Variants in SPSB1 observed in about 807,000 individuals in gnomAD.
SPSB1 encodes splA/ryanodine receptor domain and SOCS box containing 1.
Under a neutral mutation model 21.2 loss-of-function variants are expected in SPSB1, and 8 were observed. The ratio of observed to expected loss-of-function variants is 0.38; its 90% CI spans 0.22 to 0.68. SPSB1 has a LOEUF of 0.68. Among genes scored for constraint, SPSB1 ranks in the 30% least tolerant of loss-of-function variants. SPSB1 has a pLI of 0.53. For synonymous variants in SPSB1, 169 were observed against 161.7 expected (o/e 1.05, Z -0.34); for missense variants, 242 against 377.8 (o/e 0.64, Z 2.98).
At chr1:9,307,115 A>G (rs1639428783) in intron 1 of SPSB1, among the ~76,000 whole-genome samples, 1 of 151,620 alleles carries the variant, frequency 6.6e-6, no homozygotes, top group Non-Finnish European at 1.5e-5. Flanking sequence ...TTTAGTAGAG[A>G]TGGGGTTTCA....
chr1:9,327,534 C>G (rs1447158235), intron 1 of SPSB1, among the ~76,000 whole-genome samples: 1 of 151,706 alleles, frequency 6.6e-6, no homozygotes, highest in Non-Finnish European at 1.5e-5. Context: ...GGGTTGGGCA[C>G]GAGCTGGGCA....
intron 1 of SPSB1, among the ~76,000 whole-genome samples, chr1:9,322,378 C>T (rs1450267637): frequency 6.6e-6 from 1 of 152,176 alleles, no homozygotes; most frequent in African/African-American, 2.4e-5. Context: ...GTTGTCAGCT[C>T]CAAAGTCCGT....
intron 1 of SPSB1, among the ~76,000 whole-genome samples, chr1:9,303,127 A>C (rs189738261): frequency 1.3e-5 from 2 of 152,252 alleles, no homozygotes; most frequent in East Asian, 3.9e-4. Context: ...ACCAAGGGGA[A>C]ATTGATCTGG....
At chr1:9,319,231 G>A (rs1251061363) in intron 1 of SPSB1, among the ~76,000 whole-genome samples, 1 of 152,174 alleles carries the variant, frequency 6.6e-6, no homozygotes, top group East Asian at 1.9e-4. Flanking sequence ...TAGGACCTGG[G>A]AAGTGGGGGG....
At chr1:9,315,290 G>A (rs1402695501) in intron 1 of SPSB1, among the ~76,000 whole-genome samples, 1 of 152,214 alleles carries the variant, frequency 6.6e-6, no homozygotes, top group Non-Finnish European at 1.5e-5. Context: ...TGGCTCCAAG[G>A]GACACAGCCC....
At chr1:9,332,665 G>T (rs930735608) in intron 1 of SPSB1, among the ~76,000 whole-genome samples, 4 of 152,206 alleles carry the variant, frequency 2.6e-5, no homozygotes, top group Non-Finnish European at 5.9e-5. Flanking sequence ...AGGCGGAGGA[G>T]CTGAGACAGA....
chr1:9,315,755 G>A (rs1639603355), intron 1 of SPSB1, among the ~76,000 whole-genome samples: 1 of 152,206 alleles, frequency 6.6e-6, no homozygotes, highest in African/African-American at 2.4e-5. Flanking sequence ...CCCCACCTAC[G>A]GAGGGACCGC....
At chr1:9,298,356 A>G (rs1639259108) in intron 1 of SPSB1, among the ~76,000 whole-genome samples, 1 of 152,242 alleles carries the variant, frequency 6.6e-6, no homozygotes, top group Non-Finnish European at 1.5e-5. Context: ...CCCAGTTTAC[A>G]CAACTAAGCC....
intron 1 of SPSB1, among the ~76,000 whole-genome samples, chr1:9,329,332 G>A (rs1639875968): frequency 6.6e-6 from 1 of 152,112 alleles, no homozygotes; most frequent in Admixed American, 6.5e-5. Context: ...ACGTGTGTGA[G>A]TGTCTCAGTC....
In SPSB1 at chr1:9,367,758, C is replaced by G. The variant is rs1163385893; in HGVS notation, c.*183C>G. 5 of 866,656 alleles carry G rather than the reference C, an allele frequency of 5.8e-6. No homozygotes were observed. Among genetic ancestry groups the G allele is most frequent in the Non-Finnish European group, 8.6e-6 (5 of 582,568 alleles). The allele number at this position is 866,656 out of a possible 1,614,324, so 53.7% of individuals were successfully genotyped here. On this transcript the variant is annotated 3_prime_UTR_variant, in exon 3 of 3. Coordinates refer to ENST00000328089, the MANE Select transcript of SPSB1 (RefSeq NM_025106.4). This position sits in a 1 kb window ranked among gnomAD's most constrained non-coding sequence, Gnocchi z 5.9. ...CAAGGACCGATTCCAACACAGGCTC[C>G]TCTTTCCCCCTTCCCGACATCAGCA...
At chr1:9,334,332 C>T (rs1036909430) in intron 1 of SPSB1, among the ~76,000 whole-genome samples, 5 of 151,956 alleles carry the variant, frequency 3.3e-5, no homozygotes, top group Non-Finnish European at 7.4e-5. Context: ...GTGATCCGCC[C>T]GCCTCAACCT....
At chr1:9,334,778 T>C (rs1411580350) in intron 1 of SPSB1, among the ~76,000 whole-genome samples, 1 of 152,232 alleles carries the variant, frequency 6.6e-6, no homozygotes, top group Non-Finnish European at 1.5e-5. Flanking sequence ...AGGTACCTCA[T>C]GTAAGTGCAA....
At chr1:9,339,827 G>A (rs1438783430) in intron 1 of SPSB1, among the ~76,000 whole-genome samples, 1 of 152,210 alleles carries the variant, frequency 6.6e-6, no homozygotes, top group African/African-American at 2.4e-5. Flanking sequence ...CCTGGTGGCA[G>A]GACAGGGGAA....
intron 1 of SPSB1, among the ~76,000 whole-genome samples, chr1:9,326,868 G>A (rs1639824096): frequency 6.6e-6 from 1 of 152,212 alleles, no homozygotes; most frequent in African/African-American, 2.4e-5. Flanking sequence ...CGTGGATGCA[G>A]CAGGGTGTTT....
Position 9,367,794 on chromosome 1 carries a change from T to TC in SPSB1, c.*222dup. ...TTCCCGACATCAGCAGAAGGCAGCA[T>TC]CCCTGCATGCCGTCCGTATACAACC... On this transcript the variant is annotated 3_prime_UTR_variant, in exon 3 of 3. Coordinates refer to ENST00000328089, the MANE Select transcript of SPSB1 (RefSeq NM_025106.4). This position sits in a 1 kb window ranked among gnomAD's most constrained non-coding sequence, Gnocchi z 5.9. 1.5e-6 allele frequency: 1 copy of TC among 656,480 alleles called. No individual in the cohort carries two copies. Among genetic ancestry groups the TC allele is most frequent in the South Asian group, 2.0e-5 (1 of 50,348 alleles). The allele number at this position is 656,480 out of a possible 1,614,324, so 40.7% of individuals were successfully genotyped here.
At chr1:9,294,774 G>A (rs557636719) in intron 1 of SPSB1, among the ~76,000 whole-genome samples, 1 of 152,288 alleles carries the variant, frequency 6.6e-6, no homozygotes. Flanking sequence ...TGGGGTGTGA[G>A]GAGAACAGCA....
intron 1 of SPSB1, among the ~76,000 whole-genome samples, chr1:9,334,162 T>C (rs1337490271): frequency 6.6e-6 from 1 of 152,144 alleles, no homozygotes; most frequent in East Asian, 1.9e-4. Flanking sequence ...CTCGGCTCGT[T>C]GCAACTTCCG....
intron 1 of SPSB1, among the ~76,000 whole-genome samples, chr1:9,295,466 G>A (rs936559777): frequency 5.9e-5 from 9 of 152,212 alleles, no homozygotes; most frequent in African/African-American, 2.2e-4. Context: ...CTTAGGAAGG[G>A]GTGGGCCTGC....
chr1:9,349,150 C>T (rs1359837206), intron 1 of SPSB1, among the ~76,000 whole-genome samples: 1 of 152,172 alleles, frequency 6.6e-6, no homozygotes, highest in Non-Finnish European at 1.5e-5. Flanking sequence ...AGAATCTCCT[C>T]CAGGGTGTGT....
Sources: gnomAD v4.1 joint callset for allele counts (sites outside exome capture counted in the v4.1 genomes callset) on GRCh38, gnomAD v4.1.1 for gene constraint, Gnocchi (gnomAD v3.1) non-coding constraint, MANE v1.5 for transcripts, NCBI Gene and HGNC (gene_info 2026-07-23, HGNC 2026-07-21) for gene names.